MEGF11: variants seen among roughly 807,000 people sequenced by gnomAD.
The protein encoded by MEGF11 is multiple EGF like domains 11.
A neutral mutation model predicts 146.6 loss-of-function variants in MEGF11; 126 were observed. The ratio of observed to expected loss-of-function variants is 0.86; its 90% CI spans 0.74 to 1.00. MEGF11 has a LOEUF of 1.00. Ranked by LOEUF, MEGF11 falls within the 50% of genes least tolerant of loss-of-function variation. The pLI is 0.00. For synonymous variants in MEGF11, 532 were observed against 583.4 expected (o/e 0.91, Z 1.27); for missense variants, 1,509 against 1,521.2 (o/e 0.99, Z 0.13).
chr15:65,978,256 C>T (rs571477502), intron 7 of MEGF11, among the ~76,000 whole-genome samples: 8 of 152,328 alleles, frequency 5.3e-5, no homozygotes, highest in African/African-American at 1.9e-4. Context: ...GCCTTCTCCC[C>T]AGTATCCATT....
intron 9 of MEGF11, among the ~76,000 whole-genome samples, chr15:65,961,524 C>A (rs1290146748): frequency 1.3e-5 from 2 of 152,034 alleles, no homozygotes; most frequent in Non-Finnish European, 2.9e-5. Flanking sequence ...TTTAAGATCC[C>A]TGACACACAG....
intron 5 of MEGF11, among the ~76,000 whole-genome samples, chr15:66,019,103 G>A (rs1475675230): frequency 6.6e-6 from 1 of 152,198 alleles, no homozygotes; most frequent in East Asian, 1.9e-4. Context: ...AAGTGGCAAG[G>A]GGCAGGGAGG....
chr15:66,211,306 G>A (rs930302820), intron 1 of MEGF11, among the ~76,000 whole-genome samples: 10 of 152,164 alleles, frequency 6.6e-5, no homozygotes, highest in South Asian at 4.1e-4. Context: ...GGCGGATCAC[G>A]AAGTCAGGAG....
At chr15:65,987,872 G>A (rs1421340283) in intron 5 of MEGF11, among the ~76,000 whole-genome samples, 3 of 151,694 alleles carry the variant, frequency 2.0e-5, no homozygotes, top group South Asian at 2.1e-4. Context: ...CACCATGCCT[G>A]GCTAATTTTT....
intron 1 of MEGF11, among the ~76,000 whole-genome samples, chr15:66,171,597 A>C (rs1358345215): frequency 6.6e-6 from 1 of 151,946 alleles, no homozygotes; most frequent in Non-Finnish European, 1.5e-5. Context: ...GGCTCTCTCT[A>C]GCTTGTCTCT....
At chr15:66,225,193 C>A (rs1036819359) in intron 1 of MEGF11, among the ~76,000 whole-genome samples, 9 of 152,226 alleles carry the variant, frequency 5.9e-5, no homozygotes, top group Admixed American at 3.3e-4. Flanking sequence ...CACGGCCCAG[C>A]ACCTCTACCA....
At chr15:66,037,076 G>C (rs1294638338) in intron 5 of MEGF11, among the ~76,000 whole-genome samples, 1 of 152,200 alleles carries the variant, frequency 6.6e-6, no homozygotes, top group African/African-American at 2.4e-5. Flanking sequence ...TTCATGGCCT[G>C]TTACCCTGCA....
intron 1 of MEGF11, among the ~76,000 whole-genome samples, chr15:66,160,887 G>C (rs1315819937): frequency 6.6e-6 from 1 of 152,184 alleles, no homozygotes; most frequent in Admixed American, 6.5e-5. Context: ...AGCTTAAACA[G>C]AGTGGCCTGG....
intron 1 of MEGF11, among the ~76,000 whole-genome samples, chr15:66,219,821 A>C (rs1208649153): frequency 6.6e-6 from 1 of 152,196 alleles, no homozygotes; most frequent in Non-Finnish European, 1.5e-5. Context: ...TAGCAGCCTT[A>C]TTTATAATAG....
rs141755646 is a variant in MEGF11 at position 66,160,620 on chromosome 15, T to C, written c.-8-32209A>G. Among the ~76,000 whole-genome samples, 542 of 151,274 alleles carry C rather than the reference T, an allele frequency of 3.6e-3. 9 individuals are homozygous for C. The highest frequency in any genetic ancestry group is 0.026 in the East Asian group (130 of 5,094). ...CATTCATGCATTCAATAAGCATTTA[T>C]TGAGTGCCTACTATATGCCAGGCAC... is the stretch of plus-strand genomic sequence containing the variant. On this transcript the variant is annotated intron_variant, in intron 1 of 25. Transcript: ENST00000395614.
chr15:66,118,858 A>G (rs2087864836), intron 4 of MEGF11, among the ~76,000 whole-genome samples: 1 of 152,132 alleles, frequency 6.6e-6, no homozygotes, highest in African/African-American at 2.4e-5. Context: ...ACGCACTTCC[A>G]TCCACCCTGT....
intron 1 of MEGF11, among the ~76,000 whole-genome samples, chr15:66,174,814 A>G (rs2090351504): frequency 6.6e-6 from 1 of 152,124 alleles, no homozygotes; most frequent in African/African-American, 2.4e-5. Flanking sequence ...TTTCAACAAT[A>G]TTAATTCTTC....
At chr15:66,084,678 C>T (rs2086028316) in intron 5 of MEGF11, among the ~76,000 whole-genome samples, 1 of 152,162 alleles carries the variant, frequency 6.6e-6, no homozygotes, top group Admixed American at 6.5e-5. Context: ...CCCATTCCTG[C>T]CTGGCACCAC....
intron 1 of MEGF11, among the ~76,000 whole-genome samples, chr15:66,137,586 T>G (rs940690196): frequency 1.3e-5 from 2 of 149,836 alleles, no homozygotes; most frequent in African/African-American, 4.9e-5. Flanking sequence ...AGACAGCATC[T>G]CTGTCATCCA....
intron 1 of MEGF11, among the ~76,000 whole-genome samples, chr15:66,230,445 G>T (rs2091946616): frequency 6.6e-6 from 1 of 152,126 alleles, no homozygotes; most frequent in South Asian, 2.1e-4. Flanking sequence ...ACATTACTGG[G>T]CATTTTTGGT....
intron 10 of MEGF11, among the ~76,000 whole-genome samples, chr15:65,956,818 T>C (rs577556536): frequency 1.1e-4 from 16 of 152,316 alleles, no homozygotes; most frequent in South Asian, 4.1e-4. Context: ...TAGAACAACA[T>C]TGAGGAACCA....
intron 6 of MEGF11, among the ~76,000 whole-genome samples, chr15:65,981,920 T>A (rs1241503304): frequency 6.6e-6 from 1 of 152,122 alleles, no homozygotes; most frequent in Non-Finnish European, 1.5e-5. Context: ...AAGGGCCTCC[T>A]GGGAGGGTTT....
At chr15:65,902,042 C>G (rs183784440) in intron 24 of MEGF11, 12 of 152,394 alleles carry the variant, frequency 7.9e-5, no homozygotes, top group Admixed American at 7.8e-4. Flanking sequence ...TCTGCAGCAG[C>G]TACACCTTAC....
chr15:65,910,354 G>A (rs1222975459), intron 21 of MEGF11, among the ~76,000 whole-genome samples: 1 of 152,148 alleles, frequency 6.6e-6, no homozygotes, highest in African/African-American at 2.4e-5. Context: ...CTTCATATGA[G>A]GCAAGGATGG....
Sources: allele counts gnomAD v4.1 joint callset (sites outside exome capture counted in the v4.1 genomes callset), GRCh38; gene constraint gnomAD v4.1.1; transcripts MANE v1.5; gene names NCBI Gene and HGNC (gene_info 2026-07-23, HGNC 2026-07-21).